Variants in IL18R1 observed in about 807,000 individuals in gnomAD.
IL18R1 encodes interleukin-18 receptor 1.
In IL18R1, 40 loss-of-function variants were observed where a neutral mutation model predicts 48.5. The ratio of observed to expected loss-of-function variants is 0.82; its 90% confidence interval spans 0.64 to 1.07. IL18R1 has a LOEUF of 1.07. Ranked by LOEUF, IL18R1 falls within the 50% of genes least tolerant of loss-of-function variation. The probability of loss-of-function intolerance (pLI) is 0.00; values close to 1 mark genes in which losing one functional copy is unlikely to be tolerated. For synonymous variants in IL18R1, 232 were observed against 225.9 expected, an observed-to-expected ratio of 1.03 and a Z score of -0.24; for missense variants, 596 against 633.7, an observed-to-expected ratio of 0.94 and a Z score of 0.64.
chr2:102,381,996 G>A (rs919932961), intron 6 of IL18R1, among the ~76,000 whole-genome samples: 2 of 152,140 alleles, frequency 1.3e-5, no homozygotes, highest in South Asian at 4.1e-4. Flanking sequence ...ATTTAGGCCG[G>A]GCATGGTGGC....
At chr2:102,363,568 C>T (rs1678711720) in intron 2 of IL18R1, among the ~76,000 whole-genome samples, 1 of 152,112 alleles carries the variant, frequency 6.6e-6, no homozygotes, top group South Asian at 2.1e-4. Flanking sequence ...AGTGGAAAAG[C>T]AAGGTACAGG....
intron 6 of IL18R1, among the ~76,000 whole-genome samples, chr2:102,383,278 T>C (rs995005482): frequency 6.6e-6 from 1 of 152,242 alleles, no homozygotes; most frequent in African/African-American, 2.4e-5. Context: ...TTTGTTTTAT[T>C]ATTCTTTAAA....
chr2:102,367,446 G>T (rs903316568), intron 2 of IL18R1, among the ~76,000 whole-genome samples: 5 of 152,100 alleles, frequency 3.3e-5, no homozygotes, highest in African/African-American at 9.7e-5. Flanking sequence ...CCTCAGCAGG[G>T]TATATTTTGA....
intron 4 of IL18R1, among the ~76,000 whole-genome samples, chr2:102,372,600 C>CT (rs36068136): frequency 0.53 from 80,568 of 151,292 alleles, 23,202 homozygotes; most frequent in African/African-American, 0.73. Flanking sequence ...CCATCACAGA[C>CT]TTTTTTTTTC....
At chr2:102,391,337 G>C (rs976663103) in intron 9 of IL18R1, among the ~76,000 whole-genome samples, 3 of 151,918 alleles carry the variant, frequency 2.0e-5, no homozygotes, top group African/African-American at 7.3e-5. Flanking sequence ...CTTTTAAAAA[G>C]AACAAATCCT....
Position 102,372,027 on chromosome 2 carries a change from C to A in IL18R1, c.377C>A (p.Thr126Asn). 6.3e-7 allele frequency: 1 copy of A among 1,595,622 alleles called. No individual in the cohort carries two copies. Among genetic ancestry groups the A allele is most frequent in the Middle Eastern group, 1.7e-4 (1 of 5,904 alleles). ...AGCTGTTTCACTGAAAGACAAGTAACTAGTAAAATTGTGGAAGTTAAAAAA... is the reference window on the plus strand; with the variant it reads ...AGCTGTTTCACTGAAAGACAAGTAAATAGTAAAATTGTGGAAGTTAAAAAA... ...KHSCFTERQV[T>N]SKIVEVKKFF... is the part of the protein sequence containing the mutation. Residue 126 changes from threonine (T) to asparagine (N), a missense_variant, in exon 4 of 11, where the codon ACT (threonine) becomes AAT (asparagine). This residue lies in a region of IL18R1 where 360 missense variants were observed against 339.4 expected (regional missense o/e 1.06). Coordinates refer to ENST00000233957, the MANE Select transcript of IL18R1 (RefSeq NM_003855.5).
chr2:102,389,005 T>C (rs946378074), intron 8 of IL18R1, among the ~76,000 whole-genome samples: 11 of 152,160 alleles, frequency 7.2e-5, no homozygotes, highest in African/African-American at 2.7e-4. Flanking sequence ...TATATGTATA[T>C]ACATATATGC....
intron 10 of IL18R1, among the ~76,000 whole-genome samples, chr2:102,394,908 C>T (rs750140557): frequency 1.4e-4 from 21 of 152,136 alleles, no homozygotes; most frequent in South Asian, 2.1e-4. Context: ...CCAGAGCTGG[C>T]GTTATCATGA....
At chr2:102,371,180 G>A (rs572999691) in intron 3 of IL18R1, among the ~76,000 whole-genome samples, 17 of 151,820 alleles carry the variant, frequency 1.1e-4, no homozygotes, top group South Asian at 6.3e-4. Flanking sequence ...TGGGATTACC[G>A]TACCCAGCTA....
At chr2:102,379,315 GCACCTGTAATCCCAGCTA>G (rs958796285) in intron 5 of IL18R1, among the ~76,000 whole-genome samples, 4 of 152,018 alleles carry the variant, frequency 2.6e-5, no homozygotes, top group Non-Finnish European at 5.9e-5. Context: ...TTGGTGGTGG[GCACCTGTAATCCCAGCTA>G]CTTGGGAGAC....
At chr2:102,375,132 C>T (rs1346297864) in intron 4 of IL18R1, among the ~76,000 whole-genome samples, 1 of 152,170 alleles carries the variant, frequency 6.6e-6, no homozygotes, top group African/African-American at 2.4e-5. Context: ...AGTCTGTGGG[C>T]AGTAGGTTCT....
At chr2:102,376,139 G>A (rs1679572310) in intron 5 of IL18R1, 76 bp downstream of exon 5, 1 of 1,272,402 alleles carries the variant, frequency 7.9e-7, no homozygotes, top group Non-Finnish European at 1.1e-6. Flanking sequence ...TCAAAACTGT[G>A]TAGGAATTGA....
intron 3 of IL18R1, among the ~76,000 whole-genome samples, 166 bp downstream of exon 3, chr2:102,368,234 A>C (rs1377991041): frequency 2.0e-5 from 3 of 152,196 alleles, no homozygotes; most frequent in African/African-American, 7.2e-5. Context: ...GAATAAGTTT[A>C]TCTCTCTCTG....
intron 5 of IL18R1, among the ~76,000 whole-genome samples, chr2:102,381,370 A>C (rs538525244): frequency 1.3e-5 from 2 of 152,340 alleles, no homozygotes; most frequent in East Asian, 3.9e-4. Context: ...GTCAGGCTGC[A>C]GTGGATGGGC....
chr2:102,372,221 G>T, intron 4 of IL18R1, 103 bp downstream of exon 4: 3 of 928,130 alleles, frequency 3.2e-6, no homozygotes, highest in Non-Finnish European at 4.8e-6. Context: ...CAAATAAGCT[G>T]CCTGATCCCA....
intron 4 of IL18R1, among the ~76,000 whole-genome samples, chr2:102,372,509 A>G (rs1679326179): frequency 6.6e-6 from 1 of 152,210 alleles, no homozygotes; most frequent in African/African-American, 2.4e-5. Flanking sequence ...AGTTCATTTT[A>G]TAAAATTGGA....
intron 5 of IL18R1, among the ~76,000 whole-genome samples, chr2:102,377,398 TCCG>T (rs1280644796): frequency 1.3e-5 from 2 of 152,234 alleles, no homozygotes; most frequent in Non-Finnish European, 2.9e-5. Context: ...CACTGCAAGC[TCCG>T]CCTCCTGGGT....
At position 102,367,956 on chromosome 2, in the gene IL18R1, G is replaced by T. The variant is rs776795173; in HGVS notation, c.190G>T (p.Glu64Ter). The T allele has an allele frequency of 2.5e-6, 4 of 1,614,224 alleles. No individual in the cohort carries two copies. In the South Asian group the frequency reaches 4.4e-5, roughly 18 times the overall value. Residue 64 changes from glutamate (E) to a stop codon, truncating the protein, a stop_gained, in exon 3 of 11, where the codon GAA becomes TAA. Transcript: ENST00000233957. LOFTEE classifies it high-confidence loss of function. ...CTGGTACAAAAGCAGTGGATCACAGGAACATGTGGAGCTGAACCCAAGGAG... is the reference window on the plus strand; with the variant it reads ...CTGGTACAAAAGCAGTGGATCACAGTAACATGTGGAGCTGAACCCAAGGAG... Reference protein sequence around the residue: ...KSWYKSSGSQEHVELNPRSSS... With the variant: ...KSWYKSSGSQ
chr2:102,375,768 C>G, intron 4 of IL18R1, 139 bp from the exon 5 acceptor site: 1 of 535,808 alleles, frequency 1.9e-6, no homozygotes, highest in Non-Finnish European at 3.2e-6. Flanking sequence ...TACCAAGTAA[C>G]TGGGACATAT....
Sources: gnomAD v4.1 joint callset for allele counts (sites outside exome capture counted in the v4.1 genomes callset) on GRCh38, gnomAD v4.1.1 for gene constraint, gnomAD v4.1.1 regional missense constraint, MANE v1.5 for transcripts, NCBI Gene and HGNC (gene_info 2026-07-23, HGNC 2026-07-21) for gene names.